The following MOG variants were observed in gnomAD, a reference collection of about 807,000 sequenced individuals.
The protein encoded by MOG is myelin oligodendrocyte glycoprotein, also known as myelin-oligodendrocyte glycoprotein.
A neutral mutation model predicts 35.9 loss-of-function variants in MOG; 20 were observed. The observed-to-expected ratio is 0.56, with a 90% CI of 0.39 to 0.81. The LOEUF is 0.81. Among genes scored for constraint, MOG ranks in the 30% least tolerant of loss-of-function variants. The probability of loss-of-function intolerance (pLI) is 0.00; values close to 1 mark genes in which losing one functional copy is unlikely to be tolerated. For missense variants in MOG, 251 were observed against 301.0 expected (o/e 0.83, Z 1.23); for synonymous variants, 92 against 114.3 (o/e 0.80, Z 1.25).
At position 29,660,559 on chromosome 6, in the gene MOG, A is replaced by AGC. The variant is rs201649160; in HGVS notation, c.436+896_436+897dup. On this transcript the variant is annotated intron_variant, in intron 2 of 7. Coordinates refer to ENST00000376917, the MANE Select transcript of MOG (RefSeq NM_206809.4). ...AAAAAAAAAAAACCCTGTATTTGTG[A>AGC]GCGCACACACACACACACACACACA... Among the ~76,000 whole-genome samples, 346 of 96,218 alleles carry AGC rather than the reference A, an allele frequency of 3.6e-3. 4 individuals carry two copies. The highest frequency in any genetic ancestry group is 0.011 in the African/African-American group (327 of 29,136). The allele number at this position is 96,218 out of a possible 152,430, so 63.1% of individuals were successfully genotyped here. A position where few individuals can be genotyped will look rare whatever the true frequency, so the allele number is the denominator to read the frequency against.
Position 29,662,091 on chromosome 6 carries a change from A to T in MOG, c.436+2425A>T. ...AACTACCTCTGCTCTTTCTCTGAAG[A>T]GTTTCTAATTTCTCTTGTTTACTTA... On this transcript the variant is annotated intron_variant, in intron 2 of 7. Coordinates refer to ENST00000376917, the MANE Select transcript of MOG (RefSeq NM_206809.4). The surrounding 1 kb of genome is among the most constrained non-coding windows in gnomAD (Gnocchi z 4.2). The T allele has an allele frequency of 1.0e-6, 1 of 985,232 alleles. No individual in the cohort carries two copies. Among genetic ancestry groups the T allele is most frequent in the African/African-American group, 1.7e-5 (1 of 57,314 alleles). The allele number at this position is 985,232 out of a possible 1,614,324, so 61.0% of individuals were successfully genotyped here.
At position 29,659,439 on chromosome 6, in the gene MOG, GC is replaced by G; in HGVS notation, c.216del (p.Phe73SerfsTer29). ...ACAGGCATGGAGGTGGGGTGGTACC[GC>G]CCCCCCTTCTCTAGGGTGGTTCATC... ...NATGMEVGWYRPPFSRVVHLY... is the reference protein window; with the variant it reads ...NATGMEVGWYXPPFSRVVHLY... On this transcript the variant is annotated frameshift_variant, in exon 2 of 8. Coordinates refer to ENST00000376917, the MANE Select transcript of MOG (RefSeq NM_206809.4). LOFTEE classifies it high-confidence loss of function. 1 of 1,612,774 alleles carries G rather than the reference GC, an allele frequency of 6.2e-7. No individual in the cohort carries two copies. The highest frequency in any genetic ancestry group is 8.5e-7 in the Non-Finnish European group (1 of 1,179,936).
chr6:29,664,824 G>A (rs947711110), intron 2 of MOG: 29 of 304,278 alleles, frequency 9.5e-5, no homozygotes, highest in African/African-American at 5.8e-4. Context: ...GCCCAGTCTG[G>A]CCTCGAGAAC....
At chr6:29,661,925 T>A in intron 2 of MOG, 1 of 985,318 alleles carries the variant, frequency 1.0e-6, no homozygotes. Context: ...TCCAACCTCC[T>A]GTTCCCACCT....
At chr6:29,660,365 CAAA>C (rs41283830) in intron 2 of MOG, among the ~76,000 whole-genome samples, 6,363 of 114,580 alleles carry the variant, frequency 0.056, 241 homozygotes, top group African/African-American at 0.13. Flanking sequence ...ACTAAAAATA[CAAA>C]AAAAAAAAAA....
At position 29,668,854 on chromosome 6, in the gene MOG, T is replaced by A. The variant is rs971418949; in HGVS notation, c.592+930T>A. On this transcript the variant is annotated intron_variant, in intron 5 of 7. Transcript: ENST00000376917. ...ACACATAAAATAGAACACATAGGAT[T>A]GCAAAAACAATCATTGTACTAAAAT... Among the ~76,000 whole-genome samples the A allele has an allele frequency of 4.6e-5, 7 of 152,206 alleles. No individual in the cohort carries two copies. The South Asian group carries it at 6.2e-4, about 14-fold the overall frequency.
chr6:29,667,836 A>G (rs906923999), intron 4 of MOG, 68 bp from the exon 5 acceptor site: 3 of 1,590,440 alleles, frequency 1.9e-6, no homozygotes, highest in Admixed American at 1.7e-5. Context: ...ATTAAATAAC[A>G]AAGACTCAGG....
rs757610910 is a variant in MOG at position 29,670,221 on chromosome 6, G to A, written c.593-60G>A. 9 of 1,614,226 alleles carry A rather than the reference G, an allele frequency of 5.6e-6. 2 individuals are homozygous for A. In the South Asian group the frequency reaches 7.7e-5, roughly 14 times the overall value. On this transcript the variant is annotated intron_variant, in intron 5 of 7. Coordinates refer to ENST00000376917, the MANE Select transcript of MOG (RefSeq NM_206809.4). This position sits in a 1 kb window ranked among gnomAD's most constrained non-coding sequence, Gnocchi z 4.2. ...CCAGGTTAAGGAACCAAAAAAGACA[G>A]GTGGGTGGGGCATGAGGGGGAACAC...
Position 29,667,627 on chromosome 6 carries a change from C to T in MOG, c.551-16C>T. 6.2e-7 allele frequency: 1 copy of T among 1,613,888 alleles called. No homozygotes were observed. The highest frequency in any genetic ancestry group is 8.5e-7 in the Non-Finnish European group (1 of 1,179,900). On this transcript the variant is annotated splice_polypyrimidine_tract_variant and intron_variant, in intron 3 of 7. Transcript: ENST00000376917. ...AGAACATGCAGGAACTAAAATGTTG[C>T]CTTTTTCTATTTTAGGAAAACTTCG...
chr6:29,663,593 C>T (rs1769423699), intron 2 of MOG, among the ~76,000 whole-genome samples: 1 of 152,118 alleles, frequency 6.6e-6, no homozygotes, highest in South Asian at 2.1e-4. Context: ...TGTGGAGGTG[C>T]AATGACATTT....
Position 29,670,375 on chromosome 6 carries a change from C to G in MOG, c.687C>G (p.Asn229Lys), listed in dbSNP as rs377475209. The G allele has an allele frequency of 1.2e-5, 20 of 1,614,050 alleles. No individual in the cohort carries two copies. In the African/African-American group the frequency reaches 2.4e-4, roughly 19 times the overall value. Residue 229 changes from asparagine to lysine, a missense_variant, in exon 6 of 8, where the codon AAC (asparagine) becomes AAG (lysine). By Grantham distance (94) the Asn-to-Lys change is moderately conservative (BLOSUM62 0). Transcript: ENST00000376917. The surrounding 1 kb of genome is among the most constrained non-coding windows in gnomAD (Gnocchi z 4.2). ...TGGTTGCCTTGATCATCTGCTACAA[C>G]TGGCTACATCGAAGACTAGCAGGTG... ...GPLVALIICY[N>K]WLHRRLAGQF...
intron 3 of MOG, among the ~76,000 whole-genome samples, chr6:29,667,152 G>C (rs1357605646): frequency 6.6e-6 from 1 of 152,174 alleles, no homozygotes; most frequent in Non-Finnish European, 1.5e-5. Context: ...GATTCTCCAA[G>C]CTTCAGTTGC....
In MOG at chr6:29,666,175, G is replaced by A; in HGVS notation, c.460G>A (p.Gly154Arg). 2 of 1,612,692 alleles carry A rather than the reference G, an allele frequency of 1.2e-6. No individual in the cohort carries two copies. The highest frequency in any genetic ancestry group is 1.7e-6 in the Non-Finnish European group (2 of 1,179,736). Residue 154 changes from glycine to arginine, a missense_variant, in exon 3 of 8, where the codon GGA becomes AGA. Transcript: ENST00000376917. ...AGATCCTTTCTACTGGGTGAGCCCTGGAGTGCTGGTTCTCCTCGCGGTGCT... is the reference window on the plus strand; with the variant it reads ...AGATCCTTTCTACTGGGTGAGCCCTAGAGTGCTGGTTCTCCTCGCGGTGCT... Reference protein sequence around the residue: ...VEDPFYWVSPGVLVLLAVLPV... With the variant: ...VEDPFYWVSPRVLVLLAVLPV...
intron 2 of MOG, chr6:29,661,663 A>G: frequency 1.2e-6 from 1 of 827,152 alleles, no homozygotes. Flanking sequence ...TCTACTAAAA[A>G]CACAAAATTA....
In MOG at chr6:29,662,282, G is replaced by A; in HGVS notation, c.436+2616G>A. 1.9e-6 allele frequency: 1 copy of A among 539,804 alleles called. No individual in the cohort carries two copies. Among genetic ancestry groups the A allele is most frequent in the Non-Finnish European group, 2.4e-6 (1 of 423,182 alleles). 33.4% of individuals were successfully genotyped at this position (539,804 alleles called of 1,614,324 possible). A position where few individuals can be genotyped will look rare whatever the true frequency, so the allele number is the denominator to read the frequency against. ...GCAGATCACCCGAGGTCAGGAGTTC[G>A]AGACCAGCCTGATCAACATGGAGAA... is the stretch of plus-strand genomic sequence containing the variant. On this transcript the variant is annotated intron_variant, in intron 2 of 7. Transcript: ENST00000376917. The surrounding 1 kb of genome is among the most constrained non-coding windows in gnomAD (Gnocchi z 4.2).
At chr6:29,661,775 C>T (rs1768823920) in intron 2 of MOG, 1 of 964,778 alleles carries the variant, frequency 1.0e-6, no homozygotes, top group South Asian at 4.9e-5. Flanking sequence ...AAGATCGTGC[C>T]ATTACACTCC....
intron 2 of MOG, among the ~76,000 whole-genome samples, chr6:29,663,695 T>C (rs566612747): frequency 1.3e-5 from 2 of 152,232 alleles, no homozygotes; most frequent in Non-Finnish European, 2.9e-5. Context: ...TCTGCTTTTC[T>C]CTCTTTTCTA....
rs1000601334 is a variant in MOG, at chr6:29,657,120, G to A, written c.-90G>A. The A allele has an allele frequency of 2.1e-6, 2 of 948,974 alleles. No individual in the cohort carries two copies. The highest frequency in any genetic ancestry group is 3.4e-6 in the Non-Finnish European group (2 of 581,142). The allele number at this position is 948,974 out of a possible 1,614,324, so 58.8% of individuals were successfully genotyped here. The stretch of plus-strand genomic sequence containing the variant: ...ACTGCCCTCCAAGATCTTCCCTTGG[G>A]CTTTTCAGCAGTAAGGGGACATGCA... On this transcript the variant is annotated 5_prime_UTR_variant, in exon 1 of 8. Transcript: ENST00000376917.
intron 2 of MOG, chr6:29,661,929 C>G: frequency 1.0e-6 from 1 of 985,182 alleles, no homozygotes; most frequent in Non-Finnish European, 1.2e-6. Context: ...ACCTCCTGTT[C>G]CCACCTCTTC....
Sources: gnomAD v4.1 joint callset for allele counts (sites outside exome capture counted in the v4.1 genomes callset) on GRCh38, gnomAD v4.1.1 for gene constraint, Gnocchi (gnomAD v3.1) non-coding constraint, MANE v1.5 for transcripts, NCBI Gene and HGNC (gene_info 2026-07-23, HGNC 2026-07-21) for gene names.